DLC1: variants seen among roughly 807,000 people sequenced by gnomAD.
The protein encoded by DLC1 is DLC1 Rho GTPase activating protein, also known as rho GTPase-activating protein 7.
A neutral mutation model predicts 140.3 loss-of-function variants in DLC1; 54 were observed. That is an observed-to-expected ratio of 0.38 (90% CI 0.31 to 0.48). The LOEUF is 0.48. Ranked by LOEUF, DLC1 falls within the 20% of genes least tolerant of loss-of-function variation. The pLI is 0.96. For synonymous variants in DLC1, 986 were observed against 728.1 expected (o/e 1.35, Z -5.70); for missense variants, 2,536 against 1,907.0 (o/e 1.33, Z -6.14).
At chr8:13,097,258 A>ATTAT (rs1270242391) in intron 10 of DLC1, among the ~76,000 whole-genome samples, 1 of 149,950 alleles carries the variant, frequency 6.7e-6, no homozygotes, top group Non-Finnish European at 1.5e-5. Context: ...ATTTATTATT[A>ATTAT]TTATTATTAT....
At chr8:13,122,669 C>G (rs902810352) in intron 5 of DLC1, among the ~76,000 whole-genome samples, 2 of 152,074 alleles carry the variant, frequency 1.3e-5, no homozygotes, top group Non-Finnish European at 2.9e-5. Context: ...TTAAGACAGA[C>G]AGCAGACTTC....
chr8:13,189,530 T>G (rs1563150482), intron 5 of DLC1, among the ~76,000 whole-genome samples: 3 of 152,064 alleles, frequency 2.0e-5, no homozygotes, highest in African/African-American at 7.2e-5. Flanking sequence ...TAAATGCAAC[T>G]GTAATCAAGT....
At chr8:13,426,268 C>G (rs1838579283) in intron 2 of DLC1, among the ~76,000 whole-genome samples, 1 of 152,098 alleles carries the variant, frequency 6.6e-6, no homozygotes, top group South Asian at 2.1e-4. Context: ...CACCTGACAT[C>G]AAAGTTGGCA....
chr8:13,453,207 TAAA>T (rs1195015794), intron 2 of DLC1, among the ~76,000 whole-genome samples: 1 of 148,626 alleles, frequency 6.7e-6, no homozygotes, highest in African/African-American at 2.5e-5. Flanking sequence ...TTTACAAAAT[TAAA>T]GAAGAATGTA....
At chr8:13,319,206 G>C (rs1832984603) in intron 4 of DLC1, among the ~76,000 whole-genome samples, 1 of 152,204 alleles carries the variant, frequency 6.6e-6, no homozygotes, top group Non-Finnish European at 1.5e-5. Context: ...AAAATACTCA[G>C]AAAAGTGAAA....
chr8:13,504,624 G>A (rs925295576), intron 1 of DLC1, among the ~76,000 whole-genome samples: 26 of 152,220 alleles, frequency 1.7e-4, no homozygotes, highest in African/African-American at 6.0e-4. Context: ...TGTAATCGGA[G>A]AAAGAGAAAA....
intron 1 of DLC1, among the ~76,000 whole-genome samples, chr8:13,533,245 G>GTT (rs5889449): frequency 4.0e-5 from 6 of 151,506 alleles, no homozygotes; most frequent in East Asian, 1.9e-4. Flanking sequence ...AATAATCGTT[G>GTT]TTTTTTTTTG....
intron 5 of DLC1, among the ~76,000 whole-genome samples, chr8:13,208,724 CCACACACACACATACACACAGACACA>C (rs1308638737): frequency 7.6e-6 from 1 of 131,036 alleles, no homozygotes; most frequent in Non-Finnish European, 1.6e-5. Context: ...GAAACACACA[CCACACACACACATACACACAGACACA>C]CACACACACA....
rs537257769 is a variant in DLC1, at chr8:13,090,555, A to G, written c.3856-85T>C. On this transcript the variant is annotated intron_variant, in intron 14 of 17. Transcript: ENST00000276297. The stretch of plus-strand genomic sequence containing the variant: ...CATCAGTGGAAAAGACTGGGTAGGA[A>G]CAATGGCCTGGTCCTTAAAGCAGTG... 30 of 1,492,768 alleles carry G rather than the reference A, an allele frequency of 2.0e-5. No homozygotes were observed. The South Asian group carries it at 3.6e-4, about 18-fold the overall frequency. 92.5% of individuals were successfully genotyped at this position (1,492,768 alleles called of 1,614,324 possible). A position where few individuals can be genotyped will look rare whatever the true frequency, so the allele number is the denominator to read the frequency against.
Position 13,598,260 on chromosome 8 carries a change from A to G in DLC1, c.-126+6277T>C, listed in dbSNP as rs147936213. ...ATTTGTCTAATTTTTGTAAATATGT[A>G]AGAGTAGCATCTAGTGCTTGCTGCT... On this transcript the variant is annotated intron_variant, in intron 1 of 1. Transcript: ENST00000631382. Among the ~76,000 whole-genome samples, 310 of 152,248 alleles carry G rather than the reference A, an allele frequency of 2.0e-3. 1 individual carries two copies. The highest frequency in any genetic ancestry group is 7.2e-3 in the African/African-American group (301 of 41,572).
intron 2 of DLC1, among the ~76,000 whole-genome samples, chr8:13,491,133 TTA>T (rs1252983705): frequency 4.0e-5 from 6 of 148,998 alleles, no homozygotes; most frequent in Admixed American, 6.7e-5. Context: ...TAATATTTTT[TTA>T]TATATATATA....
At chr8:13,352,738 A>G (rs1834733764) in intron 4 of DLC1, among the ~76,000 whole-genome samples, 1 of 152,188 alleles carries the variant, frequency 6.6e-6, no homozygotes, top group Non-Finnish European at 1.5e-5. Flanking sequence ...GTTAATATGC[A>G]TAATACACTG....
intron 1 of DLC1, among the ~76,000 whole-genome samples, chr8:13,530,204 T>C (rs183802857): frequency 2.0e-5 from 3 of 152,308 alleles, no homozygotes; most frequent in African/African-American, 7.2e-5. Flanking sequence ...AGTGTATTAC[T>C]TTTCTCTTCC....
chr8:13,121,094 T>A (rs535176558), intron 5 of DLC1, among the ~76,000 whole-genome samples: 71 of 152,200 alleles, frequency 4.7e-4, no homozygotes, highest in Middle Eastern at 6.8e-3. Context: ...GAATTTTTTT[T>A]AAAAATGCAA....
At chr8:13,586,627 C>CACACT (rs1805328031) in intron 1 of DLC1, among the ~76,000 whole-genome samples, 2 of 92,740 alleles carry the variant, frequency 2.2e-5, no homozygotes, top group Admixed American at 1.9e-4. Context: ...ACACACACAC[C>CACACT]TGCATGTAAA....
Position 13,193,636 on chromosome 8 carries a change from G to A in DLC1, c.1349-77979C>T, listed in dbSNP as rs533570804. Among the ~76,000 whole-genome samples, 13 of 152,248 alleles carry A rather than the reference G, an allele frequency of 8.5e-5. 1 individual carries two copies. The highest frequency in any genetic ancestry group is 3.4e-3 in the Middle Eastern group (1 of 294). ...TTTTTCTACTGCTTACACCAGCAACGGAAGTTCATAGGAATATCTTCCAAA... is the reference window on the plus strand; with the variant it reads ...TTTTTCTACTGCTTACACCAGCAACAGAAGTTCATAGGAATATCTTCCAAA... On this transcript the variant is annotated intron_variant, in intron 5 of 17. Transcript: ENST00000276297.
chr8:13,451,505 C>G (rs1585130401), intron 2 of DLC1, among the ~76,000 whole-genome samples: 2 of 152,076 alleles, frequency 1.3e-5, no homozygotes, highest in Non-Finnish European at 2.9e-5. Context: ...CCCCACAGTC[C>G]CCCACCCTGA....
chr8:13,314,205 AAT>A (rs1832781935), intron 4 of DLC1, among the ~76,000 whole-genome samples: 1 of 144,918 alleles, frequency 6.9e-6, no homozygotes, highest in Admixed American at 7.1e-5. Flanking sequence ...TTATACATAT[AAT>A]ATATAGACAT....
At chr8:13,229,885 A>C (rs1051447216) in intron 5 of DLC1, among the ~76,000 whole-genome samples, 1 of 152,236 alleles carries the variant, frequency 6.6e-6, no homozygotes, top group Non-Finnish European at 1.5e-5. Flanking sequence ...GACCAGATGC[A>C]TTTGTAAAAA....
Sources: allele counts gnomAD v4.1 joint callset (sites outside exome capture counted in the v4.1 genomes callset), GRCh38; gene constraint gnomAD v4.1.1; transcripts MANE v1.5; gene names NCBI Gene and HGNC (gene_info 2026-07-23, HGNC 2026-07-21).